The following NUBPL variants were observed in gnomAD, a reference collection of about 807,000 sequenced individuals.
NUBPL encodes the protein iron-sulfur cluster transfer protein NUBPL.
In NUBPL, 31 loss-of-function variants were observed where a neutral mutation model predicts 45.7. The ratio of observed to expected loss-of-function variants is 0.68; its 90% CI spans 0.51 to 0.92. NUBPL has a LOEUF of 0.92. Among genes scored for constraint, NUBPL ranks in the 40% least tolerant of loss-of-function variants. The pLI is 0.00. For missense variants in NUBPL, 401 were observed against 398.7 expected, an observed-to-expected ratio of 1.01 and a Z score of -0.05; for synonymous variants, 144 against 140.9, an observed-to-expected ratio of 1.02 and a Z score of -0.15.
At chr14:31,845,254 T>A (rs1414291174) in intron 8 of NUBPL, 1 of 152,230 alleles carries the variant, frequency 6.6e-6, no homozygotes, top group Non-Finnish European at 1.5e-5. Context: ...AGAAAGAGAA[T>A]GACCTTTTCT....
chr14:31,791,723 A>T (rs2039386349), intron 7 of NUBPL, among the ~76,000 whole-genome samples: 1 of 152,158 alleles, frequency 6.6e-6, no homozygotes, highest in Non-Finnish European at 1.5e-5. Flanking sequence ...AAGGAAGAGA[A>T]TGTGAGATTA....
chr14:31,845,170 G>A (rs2040433489), intron 8 of NUBPL: 1 of 151,990 alleles, frequency 6.6e-6, no homozygotes, highest in African/African-American at 2.4e-5. Flanking sequence ...TCACACATAA[G>A]TGGACCCCCC....
intron 3 of NUBPL, among the ~76,000 whole-genome samples, chr14:31,583,830 G>A (rs1433311088): frequency 1.3e-5 from 2 of 152,138 alleles, no homozygotes; most frequent in Admixed American, 6.5e-5. Context: ...GGTAGGTCTC[G>A]GTTATAGATT....
intron 6 of NUBPL, 134 bp downstream of exon 6, chr14:31,673,708 C>CACAT: frequency 1.3e-6 from 1 of 783,438 alleles, no homozygotes; most frequent in Non-Finnish European, 2.2e-6. Context: ...AATATGGCAC[C>CACAT]TAATGAGTTA....
At chr14:31,846,230 T>G in intron 8 of NUBPL, 1 of 452,544 alleles carries the variant, frequency 2.2e-6, no homozygotes, top group South Asian at 2.2e-5. Context: ...TAGGCAGAAT[T>G]TTTGGTTCCT....
intron 6 of NUBPL, among the ~76,000 whole-genome samples, chr14:31,697,699 A>G (rs527274332): frequency 1.3e-5 from 2 of 152,326 alleles, no homozygotes; most frequent in East Asian, 3.9e-4. Context: ...ATTTTCCATG[A>G]TGCAGACTTT....
At chr14:31,611,480 A>G (rs950351704) in intron 4 of NUBPL, among the ~76,000 whole-genome samples, 1 of 152,232 alleles carries the variant, frequency 6.6e-6, no homozygotes, top group Non-Finnish European at 1.5e-5. Context: ...CAATATTGTT[A>G]AATTGTCCCT....
At chr14:31,680,523 T>A (rs1480369679) in intron 6 of NUBPL, among the ~76,000 whole-genome samples, 4 of 152,144 alleles carry the variant, frequency 2.6e-5, no homozygotes, top group Admixed American at 1.3e-4. Flanking sequence ...ATTTGGTTAT[T>A]TATTCTCACT....
chr14:31,799,211 T>A (rs1435119570), intron 7 of NUBPL, among the ~76,000 whole-genome samples: 3 of 152,114 alleles, frequency 2.0e-5, no homozygotes, highest in African/African-American at 7.2e-5. Context: ...ATTAGCTAGA[T>A]ACAAGATACA....
At chr14:31,574,063 C>T (rs1161253321) in intron 3 of NUBPL, among the ~76,000 whole-genome samples, 3 of 151,996 alleles carry the variant, frequency 2.0e-5, no homozygotes, top group African/African-American at 7.2e-5. Context: ...GATAAGGTGC[C>T]TATAGTTTTG....
intron 6 of NUBPL, among the ~76,000 whole-genome samples, chr14:31,750,069 A>G (rs1403599391): frequency 6.6e-6 from 1 of 151,616 alleles, no homozygotes; most frequent in Non-Finnish European, 1.5e-5. Context: ...TATGATATGT[A>G]TCTCTTTGTT....
At chr14:31,642,469 C>T (rs1293174049) in intron 4 of NUBPL, among the ~76,000 whole-genome samples, 1 of 151,944 alleles carries the variant, frequency 6.6e-6, no homozygotes, top group East Asian at 1.9e-4. Flanking sequence ...TTCTTGGGAT[C>T]TTTGTTGAAA....
chr14:31,786,555 C>G (rs1457358735), intron 6 of NUBPL, among the ~76,000 whole-genome samples: 1 of 152,194 alleles, frequency 6.6e-6, no homozygotes, highest in Non-Finnish European at 1.5e-5. Flanking sequence ...CCTGATATCT[C>G]TGTCTCTGTA....
At chr14:31,590,982 G>A (rs1011297938) in intron 3 of NUBPL, among the ~76,000 whole-genome samples, 6 of 151,944 alleles carry the variant, frequency 3.9e-5, no homozygotes, top group African/African-American at 1.2e-4. Context: ...TGAAAATGTG[G>A]CACTTAAGGC....
intron 7 of NUBPL, among the ~76,000 whole-genome samples, chr14:31,821,079 T>C (rs2040010685): frequency 6.6e-6 from 1 of 151,902 alleles, no homozygotes; most frequent in Non-Finnish European, 1.5e-5. Flanking sequence ...GCTGAGATTA[T>C]GCCATTGCAC....
chr14:31,693,810 A>G (rs930662762), intron 6 of NUBPL, among the ~76,000 whole-genome samples: 8 of 149,894 alleles, frequency 5.3e-5, no homozygotes, highest in Non-Finnish European at 1.2e-4. Flanking sequence ...TAAAAAAAAA[A>G]AAAAAAAAAA....
intron 6 of NUBPL, among the ~76,000 whole-genome samples, chr14:31,786,330 G>A (rs1430424): frequency 0.12 from 18,749 of 152,092 alleles, 3,104 homozygotes; most frequent in African/African-American, 0.38. Context: ...GAAAGAAAAC[G>A]TCTTGAGCGT....
intron 7 of NUBPL, chr14:31,800,965 G>A (rs1298037847): frequency 6.6e-6 from 1 of 152,196 alleles, no homozygotes; most frequent in Non-Finnish European, 1.5e-5. Context: ...ACAAAGGAGT[G>A]AGCAGCATTA....
chr14:31,812,334 A>G (rs1271488252), intron 7 of NUBPL, among the ~76,000 whole-genome samples: 1 of 152,168 alleles, frequency 6.6e-6, no homozygotes, highest in Non-Finnish European at 1.5e-5. Context: ...TTACCTACTC[A>G]ATCCTCAGCA....
Sources: gnomAD v4.1 joint callset for allele counts (sites outside exome capture counted in the v4.1 genomes callset) on GRCh38, gnomAD v4.1.1 for gene constraint, MANE v1.5 for transcripts, NCBI Gene and HGNC (gene_info 2026-07-23, HGNC 2026-07-21) for gene names.